The following DNMT3B variants were observed in gnomAD, a reference collection of about 807,000 sequenced individuals.
DNMT3B encodes DNA (cytosine-5)-methyltransferase 3B.
Under a neutral mutation model 120.2 loss-of-function variants are expected in DNMT3B, and 37 were observed. The observed-to-expected ratio is 0.31, with a 90% CI of 0.24 to 0.40. The LOEUF (loss-of-function observed/expected upper bound fraction) is 0.40. Among genes scored for constraint, DNMT3B ranks in the 10% least tolerant of loss-of-function variants. The pLI is 1.00. For missense variants in DNMT3B, 878 were observed against 1,137.3 expected (o/e 0.77, Z 3.28); for synonymous variants, 412 against 442.8 (o/e 0.93, Z 0.87).
At chr20:32,763,902 G>T (rs1362509381) in intron 1 of DNMT3B, among the ~76,000 whole-genome samples, 2 of 152,222 alleles carry the variant, frequency 1.3e-5, no homozygotes, top group Admixed American at 6.5e-5. Context: ...AGTTCTGGAT[G>T]CGGTGGGTTG....
intron 7 of DNMT3B, among the ~76,000 whole-genome samples, chr20:32,790,746 C>T (rs574349492): frequency 6.6e-6 from 1 of 152,234 alleles, no homozygotes; most frequent in East Asian, 1.9e-4. Context: ...TCTTGGCTCA[C>T]TGCAGCCTCA....
rs990421675 is a variant in DNMT3B at position 32,808,266 on chromosome 20, C to T, written c.*363C>T. The T allele has an allele frequency of 2.6e-6, 1 of 386,502 alleles. No individual in the cohort carries two copies. The highest frequency in any genetic ancestry group is 4.8e-6 in the Non-Finnish European group (1 of 207,230). 23.9% of individuals were successfully genotyped at this position (386,502 alleles called of 1,614,324 possible). A position where few individuals can be genotyped will look rare whatever the true frequency, so the allele number is the denominator to read the frequency against. On this transcript the variant is annotated 3_prime_UTR_variant, in exon 23 of 23. Coordinates refer to ENST00000328111, the MANE Select transcript of DNMT3B (RefSeq NM_006892.4). ...GATACCAAAACCACAGTGCCGACAGCTCTCCAATACTCAGGTTAATGCTGA... is the reference window on the plus strand; with the variant it reads ...GATACCAAAACCACAGTGCCGACAGTTCTCCAATACTCAGGTTAATGCTGA...
rs1355393914 is a variant in DNMT3B, at chr20:32,762,697, C to T, written c.-9C>T. 4 of 175,794 alleles carry T rather than the reference C, an allele frequency of 2.3e-5. No homozygotes were observed. Among genetic ancestry groups the T allele is most frequent in the Non-Finnish European group, 4.6e-5 (4 of 86,882 alleles). The allele number at this position is 175,794 out of a possible 1,614,324, so 10.9% of individuals were successfully genotyped here. On this transcript the variant is annotated splice_region_variant and 5_prime_UTR_variant, in exon 1 of 23. Coordinates refer to ENST00000328111, the MANE Select transcript of DNMT3B (RefSeq NM_006892.4). Reference sequence around the variant, plus strand: ...AGCCGCGCCCCAGCCAGCCCTGCGGCAGGTGAGCGCCCCGGGGCCCCGGGG... The same window carrying T: ...AGCCGCGCCCCAGCCAGCCCTGCGGTAGGTGAGCGCCCCGGGGCCCCGGGG...
At chr20:32,803,039 T>G (rs1981547280) in intron 20 of DNMT3B, among the ~76,000 whole-genome samples, 1 of 152,180 alleles carries the variant, frequency 6.6e-6, no homozygotes, top group Admixed American at 6.5e-5. Flanking sequence ...TGAAGCGATC[T>G]TGGCCAGGCT....
At chr20:32,776,554 T>C (rs927286596) in intron 1 of DNMT3B, among the ~76,000 whole-genome samples, 3 of 152,182 alleles carry the variant, frequency 2.0e-5, no homozygotes, top group African/African-American at 7.2e-5. Flanking sequence ...TAGTTAAATT[T>C]GTATGTTATT....
chr20:32,771,453 C>G (rs1478186951), intron 1 of DNMT3B, among the ~76,000 whole-genome samples: 1 of 151,936 alleles, frequency 6.6e-6, no homozygotes, highest in African/African-American at 2.4e-5. Context: ...CCAGCCTGGC[C>G]AGCATACTGA....
chr20:32,774,249 A>G (rs1448882038), intron 1 of DNMT3B, among the ~76,000 whole-genome samples: 1 of 150,958 alleles, frequency 6.6e-6, no homozygotes, highest in African/African-American at 2.4e-5. Flanking sequence ...TCGCTCTGTC[A>G]CCTAGGCTGG....
rs1198364295 is a variant in DNMT3B at position 32,795,695 on chromosome 20, G to C, written c.1297+1G>C. 3 of 1,614,110 alleles carry C rather than the reference G, an allele frequency of 1.9e-6. No homozygotes were observed. The highest frequency in any genetic ancestry group is 2.5e-6 in the Non-Finnish European group (3 of 1,180,038). On this transcript the variant is annotated splice_donor_variant, in intron 12 of 22. Transcript: ENST00000328111. LOFTEE classifies it high-confidence loss of function. Reference sequence around the variant, plus strand: ...GCCAACAACAAGAGCAGCCTGGAAGGTAACGTTCTCTCCCTCCCAGTCATC... The same window carrying C: ...GCCAACAACAAGAGCAGCCTGGAAGCTAACGTTCTCTCCCTCCCAGTCATC...
chr20:32,787,099 A>T, intron 5 of DNMT3B, 131 bp from the exon 6 acceptor site: 1 of 1,104,212 alleles, frequency 9.1e-7, no homozygotes, highest in Non-Finnish European at 1.4e-6. Context: ...AAGTTTCTTC[A>T]GCGGTCTCTG....
Position 32,805,709 on chromosome 20 carries a change from C to T in DNMT3B, c.2301+302C>T, listed in dbSNP as rs190611560. Reference sequence around the variant, plus strand: ...AGAAAGGAATCATTAATCCTTTTGCCAAAAAATTAATTTGCTGTCAAGTCA... The same window carrying T: ...AGAAAGGAATCATTAATCCTTTTGCTAAAAAATTAATTTGCTGTCAAGTCA... On this transcript the variant is annotated intron_variant, in intron 21 of 22. Coordinates refer to ENST00000328111, the MANE Select transcript of DNMT3B (RefSeq NM_006892.4). 2.1e-3 allele frequency among the ~76,000 whole-genome samples: 323 copies of T among 152,228 alleles called. 1 individual carries two copies. Among genetic ancestry groups the T allele is most frequent in the African/African-American group, 7.7e-3 (319 of 41,516 alleles).
chr20:32,781,561 A>AT, intron 3 of DNMT3B, 147 bp downstream of exon 3: 1 of 843,102 alleles, frequency 1.2e-6, no homozygotes, highest in African/African-American at 1.7e-5. Flanking sequence ...ATTTGGCATT[A>AT]TTTTTTCAAT....
At chr20:32,800,051 A>C (rs547304372) in intron 16 of DNMT3B, 102 bp from the exon 17 acceptor site, 1 of 1,519,576 alleles carries the variant, frequency 6.6e-7, no homozygotes, top group Middle Eastern at 2.1e-4. Flanking sequence ...CATGTGATAC[A>C]GTCATGAGGA....
chr20:32,807,115 C>T (rs957861073), intron 22 of DNMT3B, among the ~76,000 whole-genome samples: 7 of 152,210 alleles, frequency 4.6e-5, no homozygotes, highest in Non-Finnish European at 1.0e-4. Flanking sequence ...CCAAGCAAGA[C>T]ACAGGCCTGA....
At chr20:32,799,395 G>A (rs533106312) in intron 16 of DNMT3B, 67 bp downstream of exon 16, 3 of 1,544,988 alleles carry the variant, frequency 1.9e-6, no homozygotes, top group East Asian at 2.3e-5. Context: ...GAGTCAGAAG[G>A]CATGGTTAAG....
intron 21 of DNMT3B, 103 bp from the exon 22 acceptor site, chr20:32,806,106 C>T (rs748307439): frequency 9.1e-5 from 97 of 1,066,602 alleles, no homozygotes; most frequent in Middle Eastern, 2.2e-4. Flanking sequence ...ACTCTTCTGC[C>T]GCACCTGCGC....
At chr20:32,778,635 GC>G (rs1012391299) in intron 1 of DNMT3B, among the ~76,000 whole-genome samples, 2 of 152,220 alleles carry the variant, frequency 1.3e-5, no homozygotes, top group African/African-American at 4.8e-5. Flanking sequence ...AGCTCACGGT[GC>G]CCCCTGGTGG....
Position 32,787,313 on chromosome 20 carries a change from CGACACAGAG to C in DNMT3B, c.523_531del (p.Glu175_Thr177del), listed in dbSNP as rs1979426719. 3.7e-6 allele frequency: 6 copies of C among 1,614,140 alleles called. No homozygotes were observed. Among genetic ancestry groups the C allele is most frequent in the East Asian group, 4.5e-5 (2 of 44,870 alleles). On this transcript the variant is annotated inframe_deletion, in exon 6 of 23. Coordinates refer to ENST00000328111, the MANE Select transcript of DNMT3B (RefSeq NM_006892.4). ...CTTACCTTACCATCGACCTCACAGA[CGACACAGAG>C]GACACACATGGGACGCCCCAGAGCA...
At chr20:32,771,507 G>A (rs956759220) in intron 1 of DNMT3B, among the ~76,000 whole-genome samples, 3 of 151,986 alleles carry the variant, frequency 2.0e-5, no homozygotes, top group Admixed American at 6.6e-5. Context: ...CGGGCGTGGT[G>A]GCATGTGCCT....
intron 22 of DNMT3B, among the ~76,000 whole-genome samples, chr20:32,807,119 G>A (rs1601143689): frequency 6.6e-6 from 1 of 152,186 alleles, no homozygotes; most frequent in African/African-American, 2.4e-5. Context: ...GCAAGACACA[G>A]GCCTGAGGTA....
Sources: allele counts gnomAD v4.1 joint callset (sites outside exome capture counted in the v4.1 genomes callset), GRCh38; gene constraint gnomAD v4.1.1; transcripts MANE v1.5; gene names NCBI Gene and HGNC (gene_info 2026-07-23, HGNC 2026-07-21).